Variants in KCNK10 observed in about 807,000 individuals in gnomAD.
KCNK10 encodes potassium two pore domain channel subfamily K member 10, also known as potassium channel subfamily K member 10.
KCNK10 carries 25 observed loss-of-function variants against 47.7 expected under a neutral mutation model. The observed-to-expected ratio is 0.52, with a 90% CI of 0.38 to 0.73. The LOEUF is 0.73. KCNK10 is among the 30% of genes least tolerant of loss of function. KCNK10 has a pLI of 0.00. For missense variants in KCNK10, 563 were observed against 714.5 expected (o/e 0.79, Z 2.42); for synonymous variants, 303 against 285.6 (o/e 1.06, Z -0.61).
At chr14:88,277,213 GA>G (rs35748130) in intron 1 of KCNK10, among the ~76,000 whole-genome samples, 55,340 of 144,656 alleles carry the variant, frequency 0.38, 10,835 homozygotes, top group Non-Finnish European at 0.46. Context: ...AACTTAAATG[GA>G]AAAAAAAAAA....
At chr14:88,229,716 T>C (rs1886102263) in intron 3 of KCNK10, among the ~76,000 whole-genome samples, 1 of 152,142 alleles carries the variant, frequency 6.6e-6, no homozygotes, top group African/African-American at 2.4e-5. Flanking sequence ...GTGAGTGTAT[T>C]TGTGCTCCAT....
intron 4 of KCNK10, among the ~76,000 whole-genome samples, chr14:88,205,314 T>C (rs1378845761): frequency 6.6e-6 from 1 of 152,160 alleles, no homozygotes; most frequent in East Asian, 1.9e-4. Context: ...AGACTCCTGT[T>C]CATTCCTCAC....
intron 2 of KCNK10, among the ~76,000 whole-genome samples, chr14:88,242,755 A>C (rs1886518212): frequency 6.6e-6 from 1 of 152,082 alleles, no homozygotes; most frequent in Non-Finnish European, 1.5e-5. Flanking sequence ...CTCCATTTTC[A>C]CTGTGCCGTA....
intron 1 of KCNK10, among the ~76,000 whole-genome samples, chr14:88,287,964 G>GCC (rs1887802224): frequency 6.6e-6 from 1 of 152,104 alleles, no homozygotes; most frequent in Non-Finnish European, 1.5e-5. Flanking sequence ...CAGCAGCAGT[G>GCC]TAGAAGTGTT....
chr14:88,237,700 T>A (rs766611628), intron 3 of KCNK10, among the ~76,000 whole-genome samples: 1 of 152,168 alleles, frequency 6.6e-6, no homozygotes, highest in Non-Finnish European at 1.5e-5. Context: ...TTGAAAGGAA[T>A]CTTTTTTCTG....
At chr14:88,300,851 TATC>T (rs1457504580) in intron 1 of KCNK10, among the ~76,000 whole-genome samples, 3 of 100,152 alleles carry the variant, frequency 3.0e-5, no homozygotes, top group Non-Finnish European at 7.0e-5. Flanking sequence ...TAGTTTTATT[TATC>T]ATATGTTTTA....
chr14:88,326,701 G>C (rs565155651), upstream of KCNK10: 13 of 540,190 alleles, frequency 2.4e-5, no homozygotes, highest in Admixed American at 4.3e-4. Context: ...ACGGGTCTCT[G>C]CAGCTCAAAA....
intron 3 of KCNK10, among the ~76,000 whole-genome samples, chr14:88,232,697 C>A (rs1886188905): frequency 6.6e-6 from 1 of 152,182 alleles, no homozygotes; most frequent in South Asian, 2.1e-4. Flanking sequence ...TTAAATAGAA[C>A]AAGGACCCTA....
chr14:88,261,130 T>C (rs1258213634), intron 2 of KCNK10, among the ~76,000 whole-genome samples: 1 of 152,204 alleles, frequency 6.6e-6, no homozygotes, highest in African/African-American at 2.4e-5. Flanking sequence ...GGGCAATAAT[T>C]AGAGGCAAAG....
chr14:88,195,522 T>C (rs1439103905), intron 4 of KCNK10, among the ~76,000 whole-genome samples: 2 of 152,318 alleles, frequency 1.3e-5, no homozygotes, highest in East Asian at 3.9e-4. Flanking sequence ...TCTGTTTAGC[T>C]TCAGGAGGTC....
rs78630955 is a variant in KCNK10, at chr14:88,275,476, G to A, written c.53-11925C>T. On this transcript the variant is annotated intron_variant, in intron 1 of 6. Coordinates refer to ENST00000319231, the MANE Select transcript of KCNK10 (RefSeq NM_138317.3). ...ACTCAGGGCAGGTATCCCAGAAGCAGATCCCGGATGAGAATTTGTTTGTGA... is the reference window on the plus strand; with the variant it reads ...ACTCAGGGCAGGTATCCCAGAAGCAAATCCCGGATGAGAATTTGTTTGTGA... Among the ~76,000 whole-genome samples the A allele has an allele frequency of 5.1e-3, 781 of 152,194 alleles. 3 individuals carry two copies. Among genetic ancestry groups the A allele is most frequent in the Non-Finnish European group, 6.7e-3 (454 of 68,016 alleles).
intron 1 of KCNK10, among the ~76,000 whole-genome samples, chr14:88,292,756 C>T (rs151178275): frequency 6.6e-6 from 1 of 152,240 alleles, no homozygotes; most frequent in Non-Finnish European, 1.5e-5. Context: ...CCTCAGCCTC[C>T]CGAGTAGCTG....
At chr14:88,257,609 C>A (rs1886993018) in intron 2 of KCNK10, among the ~76,000 whole-genome samples, 1 of 152,208 alleles carries the variant, frequency 6.6e-6, no homozygotes, top group Non-Finnish European at 1.5e-5. Flanking sequence ...TGGCAGTAAA[C>A]CCTGGATCCT....
chr14:88,244,421 C>G (rs1176958102), intron 2 of KCNK10, among the ~76,000 whole-genome samples: 1 of 152,194 alleles, frequency 6.6e-6, no homozygotes, highest in Admixed American at 6.5e-5. Flanking sequence ...GTAATCCCAG[C>G]ACTTTGGGAG....
chr14:88,288,087 T>A (rs551192095), intron 1 of KCNK10, among the ~76,000 whole-genome samples: 16 of 152,310 alleles, frequency 1.1e-4, no homozygotes, highest in African/African-American at 3.6e-4. Flanking sequence ...ATCTCCCTTA[T>A]CATTAGTGAT....
At chr14:88,270,278 C>T (rs974708435) in intron 1 of KCNK10, among the ~76,000 whole-genome samples, 1 of 152,176 alleles carries the variant, frequency 6.6e-6, no homozygotes, top group Non-Finnish European at 1.5e-5. Flanking sequence ...ATGAGGAGCG[C>T]AGGATTCCAC....
chr14:88,249,162 A>T (rs547038787), intron 2 of KCNK10, among the ~76,000 whole-genome samples: 3 of 152,344 alleles, frequency 2.0e-5, no homozygotes, highest in South Asian at 2.1e-4. Flanking sequence ...CTCCATTTTT[A>T]AAAAAACAAA....
chr14:88,181,604 G>A lies in KCNK10; in HGVS notation c.*3931C>T, dbSNP rs1884358909. On this transcript the variant is annotated 3_prime_UTR_variant, in exon 7 of 7. Coordinates refer to ENST00000319231, the MANE Select transcript of KCNK10 (RefSeq NM_138317.3). ...GCCCTCCCGGTGACAGTACACTAAAGAGCTATAAGGGAGGATAGAGAGAGC... is the reference window on the plus strand; with the variant it reads ...GCCCTCCCGGTGACAGTACACTAAAAAGCTATAAGGGAGGATAGAGAGAGC... 1 of 152,160 alleles carries A rather than the reference G, an allele frequency of 6.6e-6. No individual in the cohort carries two copies. The highest frequency in any genetic ancestry group is 6.6e-5 in the Admixed American group (1 of 15,260). The allele number at this position is 152,160 out of a possible 1,614,324, so 9.4% of individuals were successfully genotyped here.
chr14:88,207,168 CTTTTTT>C (rs55711197), intron 4 of KCNK10, among the ~76,000 whole-genome samples: 1 of 107,750 alleles, frequency 9.3e-6, no homozygotes, highest in African/African-American at 3.8e-5. Flanking sequence ...AGGTCACTCT[CTTTTTT>C]TTTTTTTTTT....
Sources: gnomAD v4.1 joint callset for allele counts (sites outside exome capture counted in the v4.1 genomes callset) on GRCh38, gnomAD v4.1.1 for gene constraint, MANE v1.5 for transcripts, NCBI Gene and HGNC (gene_info 2026-07-23, HGNC 2026-07-21) for gene names.